The following BLNK variants were observed in gnomAD, a reference collection of about 807,000 sequenced individuals.
The protein encoded by BLNK is B cell linker, also known as B-cell linker protein.
A neutral mutation model predicts 73.5 loss-of-function variants in BLNK; 29 were observed. The observed-to-expected ratio is 0.39, with a 90% confidence interval of 0.29 to 0.54. BLNK has a LOEUF of 0.54. BLNK is among the 20% of genes least tolerant of loss of function. The pLI is 0.61. For synonymous variants in BLNK, 176 were observed against 200.8 expected (o/e 0.88, Z 1.04); for missense variants, 460 against 562.8 (o/e 0.82, Z 1.85).
At chr10:96,212,003 T>C (rs587631158) in intron 8 of BLNK, among the ~76,000 whole-genome samples, 1 of 152,358 alleles carries the variant, frequency 6.6e-6, no homozygotes, top group South Asian at 2.1e-4. Flanking sequence ...TAAGGGCTCC[T>C]TTGGCCACTA....
intron 3 of BLNK, among the ~76,000 whole-genome samples, chr10:96,232,638 ACTTT>A (rs1554904256): frequency 6.6e-6 from 1 of 152,170 alleles, no homozygotes; most frequent in Non-Finnish European, 1.5e-5. Flanking sequence ...CATGGGTCAC[ACTTT>A]GACGTGAACA....
intron 1 of BLNK, among the ~76,000 whole-genome samples, chr10:96,252,316 G>T (rs1843319360): frequency 6.6e-6 from 1 of 152,186 alleles, no homozygotes; most frequent in South Asian, 2.1e-4. Flanking sequence ...CTCCCAAAGT[G>T]CTGGGATTAC....
At chr10:96,256,880 CAAAAAAAAAAA>C (rs1295010912) in intron 1 of BLNK, among the ~76,000 whole-genome samples, 1 of 103,496 alleles carries the variant, frequency 9.7e-6, no homozygotes, top group Non-Finnish European at 1.8e-5. Flanking sequence ...GACTCCATCT[CAAAAAAAAAAA>C]AAAAAAAAGC....
At chr10:96,260,307 G>A (rs1363749232) in intron 1 of BLNK, among the ~76,000 whole-genome samples, 2 of 152,136 alleles carry the variant, frequency 1.3e-5, no homozygotes, top group African/African-American at 4.8e-5. Flanking sequence ...GTTCTGATGA[G>A]GTGCTGACAG....
At chr10:96,244,946 A>G (rs1384520062) in intron 2 of BLNK, among the ~76,000 whole-genome samples, 1 of 152,146 alleles carries the variant, frequency 6.6e-6, no homozygotes, top group Non-Finnish European at 1.5e-5. Context: ...GCTTCATGTT[A>G]TTGAGAACTG....
At chr10:96,229,619 A>T (rs587596360) in intron 4 of BLNK, among the ~76,000 whole-genome samples, 2 of 150,716 alleles carry the variant, frequency 1.3e-5, no homozygotes, top group South Asian at 4.2e-4. Flanking sequence ...TTACCTCTGC[A>T]TGTGGACCAA....
intron 1 of BLNK, among the ~76,000 whole-genome samples, chr10:96,264,823 A>G (rs1843919281): frequency 6.6e-6 from 1 of 152,150 alleles, no homozygotes; most frequent in Non-Finnish European, 1.5e-5. Context: ...ATATATAACC[A>G]AGAAGATTAA....
At chr10:96,249,292 C>T (rs1843179069) in intron 1 of BLNK, among the ~76,000 whole-genome samples, 1 of 152,250 alleles carries the variant, frequency 6.6e-6, no homozygotes, top group Admixed American at 6.5e-5. Context: ...GGGAGAAATA[C>T]TCCTTGGCCC....
At chr10:96,192,160 A>G in intron 16 of BLNK, 68 bp from the exon 17 acceptor site, 1 of 1,587,856 alleles carries the variant, frequency 6.3e-7, no homozygotes, top group Non-Finnish European at 8.6e-7. Context: ...CACTCCTCCC[A>G]TCTTCTCTCA....
chr10:96,223,905 A>T lies in BLNK; in HGVS notation c.446T>A (p.Leu149His). Residue 149 changes from leucine to histidine, a missense_variant, in exon 6 of 17, where the codon CTC becomes CAC. This residue lies in a region of BLNK where 233 missense variants were observed against 232.1 expected (regional missense o/e 1.00). Transcript: ENST00000224337. ...AGTCAGGGCCGGCAGGGTGGAGGTG[A>T]GCCTTGCTTTCTCTGAAGGCCAGCT... ...KPSWPSEKAR[L>H]TSTLPALTAL... The T allele has an allele frequency of 6.2e-7, 1 of 1,613,690 alleles. No individual in the cohort carries two copies. Among genetic ancestry groups the T allele is most frequent in the Non-Finnish European group, 8.5e-7 (1 of 1,180,008 alleles).
rs116613089 is a variant in BLNK, at chr10:96,215,765, C to T, written c.608-376G>A. On this transcript the variant is annotated intron_variant, in intron 7 of 16. Coordinates refer to ENST00000224337, the MANE Select transcript of BLNK (RefSeq NM_013314.4). Reference sequence around the variant, plus strand: ...TGTATTGAACCCCTTACTGGAGGGGCCCAATTAATAGCTCCACCTCCCCTA... The same window carrying T: ...TGTATTGAACCCCTTACTGGAGGGGTCCAATTAATAGCTCCACCTCCCCTA... 7.4e-3 allele frequency: 1,363 copies of T among 184,070 alleles called. 21 individuals carry two copies. The highest frequency in any genetic ancestry group is 0.03 in the African/African-American group (1,264 of 41,864). 11.4% of individuals were successfully genotyped at this position (184,070 alleles called of 1,614,324 possible). A position where few individuals can be genotyped will look rare whatever the true frequency, so the allele number is the denominator to read the frequency against.
At chr10:96,255,063 G>C (rs1428888842) in intron 1 of BLNK, among the ~76,000 whole-genome samples, 1 of 152,162 alleles carries the variant, frequency 6.6e-6, no homozygotes, top group Non-Finnish European at 1.5e-5. Context: ...TCTCAGGATA[G>C]GAGAACTTTG....
Position 96,235,046 on chromosome 10 carries a change from C to G in BLNK, c.164-4212G>C, listed in dbSNP as rs138658871. 5.7e-3 allele frequency among the ~76,000 whole-genome samples: 872 copies of G among 152,298 alleles called. 7 individuals carry two copies. The highest frequency in any genetic ancestry group is 0.019 in the African/African-American group (779 of 41,552). Reference sequence around the variant, plus strand: ...GAGGGACTCCTCCCTTTGCCTGACCCAGGTTTTAAGATTCATGTAGCCCTC... The same window carrying G: ...GAGGGACTCCTCCCTTTGCCTGACCGAGGTTTTAAGATTCATGTAGCCCTC... On this transcript the variant is annotated intron_variant, in intron 3 of 16. Transcript: ENST00000224337.
At chr10:96,196,392 T>A (rs2083466565) in intron 16 of BLNK, among the ~76,000 whole-genome samples, 1 of 152,190 alleles carries the variant, frequency 6.6e-6, no homozygotes. Flanking sequence ...AAAGTTAATG[T>A]TTGATTAATA....
At chr10:96,206,910 T>A (rs2083826523) in intron 11 of BLNK, 101 bp downstream of exon 11, 3 of 1,302,814 alleles carry the variant, frequency 2.3e-6, no homozygotes, top group Admixed American at 1.8e-5. Context: ...AGTTTCATGT[T>A]TACAATTGCC....
intron 11 of BLNK, among the ~76,000 whole-genome samples, chr10:96,205,652 C>G (rs1009704239): frequency 5.3e-5 from 8 of 152,218 alleles, no homozygotes; most frequent in African/African-American, 1.9e-4. Flanking sequence ...ACTACACCTG[C>G]TCTGCCTCCG....
At chr10:96,243,167 C>T (rs1842932797) in intron 2 of BLNK, among the ~76,000 whole-genome samples, 1 of 152,052 alleles carries the variant, frequency 6.6e-6, no homozygotes, top group African/African-American at 2.4e-5. Context: ...ATTTTAATGA[C>T]TTACAAATGT....
chr10:96,212,346 C>T (rs910729715), intron 8 of BLNK, among the ~76,000 whole-genome samples: 4 of 128,398 alleles, frequency 3.1e-5, no homozygotes, highest in African/African-American at 1.1e-4. Context: ...TGAATAATAA[C>T]AATAATAATA....
rs781977800 is a variant in BLNK, at chr10:96,190,220, C to T, written c.*1753G>A. 45 of 759,474 alleles carry T rather than the reference C, an allele frequency of 5.9e-5. 1 individual carries two copies. Among genetic ancestry groups the T allele is most frequent in the African/African-American group, 4.4e-4 (26 of 58,984 alleles). The allele number at this position is 759,474 out of a possible 1,614,324, so 47.0% of individuals were successfully genotyped here. On this transcript the variant is annotated 3_prime_UTR_variant, in exon 17 of 17. Coordinates refer to ENST00000224337, the MANE Select transcript of BLNK (RefSeq NM_013314.4). ...CGTCCATGTCCATCGAATCTTCCATCAGGTGGCGGCACACACTTAGGTGGG... is the reference window on the plus strand; with the variant it reads ...CGTCCATGTCCATCGAATCTTCCATTAGGTGGCGGCACACACTTAGGTGGG...
Sources: gnomAD v4.1 joint callset for allele counts (sites outside exome capture counted in the v4.1 genomes callset) on GRCh38, gnomAD v4.1.1 for gene constraint, gnomAD v4.1.1 regional missense constraint, MANE v1.5 for transcripts, NCBI Gene and HGNC (gene_info 2026-07-23, HGNC 2026-07-21) for gene names.